Variants in C10orf88 observed in about 807,000 individuals in gnomAD.
C10orf88 encodes chromosome 10 open reading frame 88.
In C10orf88, 29 loss-of-function variants were observed where a neutral mutation model predicts 34.2. That is an observed-to-expected ratio of 0.85 (90% confidence interval 0.63 to 1.16). The LOEUF is 1.16. C10orf88 is among the 50% of genes most tolerant of loss of function. The probability of loss-of-function intolerance (pLI) is 0.00; values close to 1 mark genes in which losing one functional copy is unlikely to be tolerated. For missense variants in C10orf88, 507 were observed against 533.2 expected, an observed-to-expected ratio of 0.95 and a Z score of 0.48; for synonymous variants, 194 against 197.4, an observed-to-expected ratio of 0.98 and a Z score of 0.15.
At chr10:122,945,150 C>T (rs1848628058) in intron 4 of C10orf88, among the ~76,000 whole-genome samples, 1 of 151,536 alleles carries the variant, frequency 6.6e-6, no homozygotes, top group Non-Finnish European at 1.5e-5. Context: ...CACAATGGAC[C>T]CACATATGAC....
At chr10:122,953,888 A>C in intron 1 of C10orf88, 127 bp downstream of exon 1, 1 of 569,356 alleles carries the variant, frequency 1.8e-6, no homozygotes, top group African/African-American at 3.1e-5. Flanking sequence ...CCCCTCCCCA[A>C]CTAGAGACCT....
At chr10:122,952,067 T>A in intron 2 of C10orf88, 41 bp from the exon 3 acceptor site, 1 of 976,048 alleles carries the variant, frequency 1.0e-6, no homozygotes, top group Non-Finnish European at 1.5e-6. Flanking sequence ...CTTACATATA[T>A]TGTCACTTTT....
Position 122,932,206 on chromosome 10 carries a change from A to G in C10orf88, c.*221T>C, listed in dbSNP as rs890382407. Reference sequence around the variant, plus strand: ...TACATACATTTCTGTAAGACTGAAAAATATCGTGAGCAAAAATAATTTGAC... The same window carrying G: ...TACATACATTTCTGTAAGACTGAAAGATATCGTGAGCAAAAATAATTTGAC... On this transcript the variant is annotated 3_prime_UTR_variant, in exon 6 of 6. Transcript: ENST00000481909. 7 of 416,668 alleles carry G rather than the reference A, an allele frequency of 1.7e-5. No individual in the cohort carries two copies. Among genetic ancestry groups the G allele is most frequent in the Middle Eastern group, 6.3e-4 (1 of 1,600 alleles). 25.8% of individuals were successfully genotyped at this position (416,668 alleles called of 1,614,324 possible).
chr10:122,948,907 T>C, intron 3 of C10orf88, 52 bp from the exon 4 acceptor site: 1 of 1,495,620 alleles, frequency 6.7e-7, no homozygotes, highest in South Asian at 1.2e-5. Flanking sequence ...ACAATAATCA[T>C]TTAATGTAAC....
intron 4 of C10orf88, among the ~76,000 whole-genome samples, chr10:122,942,111 T>A (rs1209647326): frequency 6.6e-6 from 1 of 152,182 alleles, no homozygotes. Context: ...GTTTCATTTT[T>A]TCCTAGTGTC....
At chr10:122,953,935 C>G (rs1188798919) in intron 1 of C10orf88, 80 bp downstream of exon 1, 1 of 1,389,162 alleles carries the variant, frequency 7.2e-7, no homozygotes, top group Non-Finnish European at 9.3e-7. Flanking sequence ...GGCTCAGACC[C>G]TCTCGCCTCC....
intron 5 of C10orf88, among the ~76,000 whole-genome samples, chr10:122,933,993 C>T (rs185263107): frequency 3.2e-4 from 49 of 151,790 alleles, no homozygotes; most frequent in Non-Finnish European, 6.8e-4. Flanking sequence ...TATTGGAGTC[C>T]TCAATTAAGA....
intron 4 of C10orf88, among the ~76,000 whole-genome samples, chr10:122,938,968 T>C (rs1848559604): frequency 6.6e-6 from 1 of 152,044 alleles, no homozygotes; most frequent in Admixed American, 6.6e-5. Context: ...CATAAAAGTC[T>C]ACTATAGATT....
In C10orf88 at chr10:122,949,349, C is replaced by T. The variant is rs555244823; in HGVS notation, c.442-494G>A. ...AAAAGTTATGTGAATATGGTCTCCT[C>T]TCTCTAAATCTTACTGTGCAATACT... On this transcript the variant is annotated intron_variant, in intron 3 of 5. Coordinates refer to ENST00000481909, the MANE Select transcript of C10orf88 (RefSeq NM_024942.4). Among the ~76,000 whole-genome samples, 11 of 152,276 alleles carry T rather than the reference C, an allele frequency of 7.2e-5. No homozygotes were observed. In the South Asian group the frequency reaches 2.3e-3, roughly 32 times the overall value.
In C10orf88 at chr10:122,938,178, TA is replaced by T. The variant is rs1564720401; in HGVS notation, c.649-20del. Reference sequence around the variant, plus strand: ...TACAATTCTAAACAAGGTAAACAAGTAAATGTTAATATTAATAACACTGACA... The same window carrying T: ...TACAATTCTAAACAAGGTAAACAAGTAATGTTAATATTAATAACACTGACA... On this transcript the variant is annotated intron_variant, in intron 4 of 5. Coordinates refer to ENST00000481909, the MANE Select transcript of C10orf88 (RefSeq NM_024942.4). The T allele has an allele frequency of 6.5e-7, 1 of 1,540,612 alleles. No homozygotes were observed. The highest frequency in any genetic ancestry group is 8.8e-7 in the Non-Finnish European group (1 of 1,141,162).
In C10orf88 at chr10:122,934,469, T is replaced by C. The variant is rs139140890; in HGVS notation, c.1104-1808A>G. Among the ~76,000 whole-genome samples the C allele has an allele frequency of 2.9e-3, 445 of 152,298 alleles. 2 individuals carry two copies. The highest frequency in any genetic ancestry group is 0.01 in the African/African-American group (421 of 41,570). On this transcript the variant is annotated intron_variant, in intron 5 of 5. Transcript: ENST00000481909. Reference sequence around the variant, plus strand: ...TGTGACCTTTTGAGATTCTCTTTTGTCACTCAGCAAAATGCCTTTGAGAGA... The same window carrying C: ...TGTGACCTTTTGAGATTCTCTTTTGCCACTCAGCAAAATGCCTTTGAGAGA...
intron 1 of C10orf88, 103 bp from the exon 2 acceptor site, chr10:122,953,135 TG>T (rs1204969369): frequency 3.3e-6 from 3 of 914,686 alleles, no homozygotes; most frequent in Admixed American, 2.1e-5. Flanking sequence ...TGGAATGCAG[TG>T]GCTCCATCTC....
At chr10:122,948,288 T>A (rs974058750) in intron 4 of C10orf88, among the ~76,000 whole-genome samples, 13 of 152,158 alleles carry the variant, frequency 8.5e-5, no homozygotes, top group African/African-American at 3.1e-4. Flanking sequence ...CCACTTCTTT[T>A]AGTGAGCCTT....
intron 4 of C10orf88, among the ~76,000 whole-genome samples, chr10:122,941,249 C>G (rs1033579366): frequency 1.3e-5 from 2 of 151,998 alleles, no homozygotes; most frequent in African/African-American, 2.4e-5. Context: ...AATTCCTATT[C>G]AAGAATTCTA....
chr10:122,953,834 G>A (rs552135611), intron 1 of C10orf88, among the ~76,000 whole-genome samples, 181 bp downstream of exon 1: 1 of 149,258 alleles, frequency 6.7e-6, no homozygotes, highest in East Asian at 2.0e-4. Flanking sequence ...CCCCTTCCCG[G>A]CCGGACCCAC....
At position 122,947,968 on chromosome 10, in the gene C10orf88, C is replaced by T. The variant is rs558916838; in HGVS notation, c.648+681G>A. ...AGGGGAATGACGTGCAGCTCATCTT[C>T]TCCTTGTAGTCTCACTTTCTTCAGA... On this transcript the variant is annotated intron_variant, in intron 4 of 5. Coordinates refer to ENST00000481909, the MANE Select transcript of C10orf88 (RefSeq NM_024942.4). Among the ~76,000 whole-genome samples the T allele has an allele frequency of 2.2e-4, 34 of 152,294 alleles. No individual in the cohort carries two copies. In the South Asian group the frequency reaches 6.4e-3, roughly 29 times the overall value.
intron 4 of C10orf88, among the ~76,000 whole-genome samples, chr10:122,945,337 T>C (rs1338774380): frequency 6.6e-6 from 1 of 152,198 alleles, no homozygotes; most frequent in Non-Finnish European, 1.5e-5. Flanking sequence ...TTAGTAATAA[T>C]AATCAATGAC....
chr10:122,938,071 A>C lies in C10orf88; in HGVS notation c.737T>G (p.Leu246Ter). The C allele has an allele frequency of 1.2e-6, 2 of 1,613,232 alleles. No individual in the cohort carries two copies. Among genetic ancestry groups the C allele is most frequent in the Non-Finnish European group, 8.5e-7 (1 of 1,179,380 alleles). Residue 246 changes from leucine (L) to a stop codon, truncating the protein, a stop_gained, in exon 5 of 6, where the codon TTA (leucine) becomes TGA (stop). Coordinates refer to ENST00000481909, the MANE Select transcript of C10orf88 (RefSeq NM_024942.4). LOFTEE classifies it high-confidence loss of function. ...GGAGGACGACTTGTTTAAGGTTCCT[A>C]AGGTAGATGAGGATTGTAGTCCAAT... ...HMIGLQSSST[L>*]GTLNKSSSTP...
Position 122,932,285 on chromosome 10 carries a change from A to G in C10orf88, c.*142T>C, listed in dbSNP as rs574359954. ...TGGATTTAAAATAACAAGTGTAGTA[A>G]AAACGAAAACTGAGGTCACTTTGTG... On this transcript the variant is annotated 3_prime_UTR_variant, in exon 6 of 6. Coordinates refer to ENST00000481909, the MANE Select transcript of C10orf88 (RefSeq NM_024942.4). 1 of 658,352 alleles carries G rather than the reference A, an allele frequency of 1.5e-6. No homozygotes were observed. Among genetic ancestry groups the G allele is most frequent in the African/African-American group, 1.8e-5 (1 of 55,074 alleles). The allele number at this position is 658,352 out of a possible 1,614,324, so 40.8% of individuals were successfully genotyped here.
Sources: gnomAD v4.1 joint callset for allele counts (sites outside exome capture counted in the v4.1 genomes callset) on GRCh38, gnomAD v4.1.1 for gene constraint, MANE v1.5 for transcripts, NCBI Gene and HGNC (gene_info 2026-07-23, HGNC 2026-07-21) for gene names.